DCLK1: variants seen among roughly 807,000 people sequenced by gnomAD.
DCLK1 encodes doublecortin like kinase 1, also known as serine/threonine-protein kinase DCLK1.
Under a neutral mutation model 86.2 loss-of-function variants are expected in DCLK1, and 16 were observed. The observed-to-expected ratio is 0.19, with a 90% confidence interval of 0.13 to 0.28. The LOEUF (loss-of-function observed/expected upper bound fraction) is 0.28. DCLK1 is among the 10% of genes least tolerant of loss of function. The pLI, the probability that DCLK1 is intolerant of heterozygous loss-of-function variation, is 1.00. For synonymous variants in DCLK1, 369 were observed against 370.5 expected (o/e 1.00, Z 0.05); for missense variants, 590 against 940.2 (o/e 0.63, Z 4.87).
At chr13:35,777,887 A>T (rs2086451793) in intron 16 of DCLK1, among the ~76,000 whole-genome samples, 1 of 152,192 alleles carries the variant, frequency 6.6e-6, no homozygotes, top group South Asian at 2.1e-4. Context: ...TGTTTCCATG[A>T]CAGTCTAGTA....
At chr13:36,109,704 T>A (rs1459485942) in intron 3 of DCLK1, among the ~76,000 whole-genome samples, 1 of 152,218 alleles carries the variant, frequency 6.6e-6, no homozygotes. Context: ...ATAATGAAGC[T>A]CAGTTAAGTG....
At chr13:35,873,544 C>T (rs1377827213) in intron 4 of DCLK1, among the ~76,000 whole-genome samples, 1 of 151,874 alleles carries the variant, frequency 6.6e-6, no homozygotes, top group African/African-American at 2.4e-5. Flanking sequence ...CACCACCATG[C>T]CTGGCTAATT....
chr13:36,081,016 T>A (rs972852129), intron 3 of DCLK1, among the ~76,000 whole-genome samples: 2 of 152,046 alleles, frequency 1.3e-5, no homozygotes, highest in South Asian at 4.1e-4. Flanking sequence ...TGTCCTAAAA[T>A]GTCAATAGTG....
chr13:36,131,723 T>C (rs1442640148), upstream of DCLK1, among the ~76,000 whole-genome samples: 2 of 152,162 alleles, frequency 1.3e-5, no homozygotes, highest in African/African-American at 4.8e-5. Context: ...GGCCGAGAGA[T>C]GAGGCCCCCA....
intron 11 of DCLK1, among the ~76,000 whole-genome samples, chr13:35,821,298 C>G (rs1302711903): frequency 6.6e-6 from 1 of 152,172 alleles, no homozygotes; most frequent in Non-Finnish European, 1.5e-5. Context: ...GCGGATCTTA[C>G]TAGCTTTTAT....
At chr13:35,946,708 G>T (rs1877402465) in intron 4 of DCLK1, among the ~76,000 whole-genome samples, 1 of 152,194 alleles carries the variant, frequency 6.6e-6, no homozygotes. Flanking sequence ...TCTTACCTGT[G>T]ATAGTGCTAA....
chr13:36,061,011 G>C (rs902437748), intron 3 of DCLK1, among the ~76,000 whole-genome samples: 1 of 152,160 alleles, frequency 6.6e-6, no homozygotes, highest in South Asian at 2.1e-4. Flanking sequence ...GAAGCATATG[G>C]AACTGATCAG....
chr13:35,868,199 T>G (rs1566577287), intron 5 of DCLK1, among the ~76,000 whole-genome samples: 1 of 152,148 alleles, frequency 6.6e-6, no homozygotes, highest in South Asian at 2.1e-4. Context: ...ATTTTTTGTA[T>G]TTTTAGTAGA....
intron 3 of DCLK1, among the ~76,000 whole-genome samples, chr13:36,057,066 A>C (rs1028012072): frequency 3.3e-5 from 5 of 151,606 alleles, no homozygotes; most frequent in Admixed American, 6.6e-5. Flanking sequence ...GTTTATATAC[A>C]CACACACACA....
intron 10 of DCLK1, among the ~76,000 whole-genome samples, chr13:35,825,187 G>A (rs2087490443): frequency 6.6e-6 from 1 of 152,102 alleles, no homozygotes; most frequent in South Asian, 2.1e-4. Context: ...GACATCCCTG[G>A]GCCCTGAGGG....
At position 35,977,592 on chromosome 13, in the gene DCLK1, A is replaced by AT. The variant is rs5802796; in HGVS notation, c.724-30136dup. On this transcript the variant is annotated intron_variant, in intron 3 of 16. Coordinates refer to ENST00000360631, the MANE Select transcript of DCLK1 (RefSeq NM_001330071.2). ...TGTATTCTGATGGGTCTAATGGGCT[A>AT]TTTTTTTTTTAATTCCACACAATAC... Among the ~76,000 whole-genome samples, 692 of 150,114 alleles carry AT rather than the reference A, an allele frequency of 4.6e-3. 3 individuals are homozygous for AT. The highest frequency in any genetic ancestry group is 0.016 in the African/African-American group (651 of 40,992).
intron 3 of DCLK1, among the ~76,000 whole-genome samples, chr13:35,986,022 G>T (rs1294621813): frequency 6.6e-6 from 1 of 152,036 alleles, no homozygotes; most frequent in African/African-American, 2.4e-5. Context: ...GGCCGATGAA[G>T]GTCGGGCACG....
chr13:35,781,734 T>G (rs1022782622), intron 16 of DCLK1, among the ~76,000 whole-genome samples: 1 of 152,222 alleles, frequency 6.6e-6, no homozygotes, highest in Non-Finnish European at 1.5e-5. Context: ...CCATCCATTA[T>G]TCATGCTACC....
intron 3 of DCLK1, among the ~76,000 whole-genome samples, chr13:36,034,907 G>A (rs1477134331): frequency 1.3e-5 from 2 of 152,154 alleles, no homozygotes; most frequent in Non-Finnish European, 2.9e-5. Context: ...GGGAGCTCAG[G>A]GAATGAGCCA....
In DCLK1 at chr13:36,099,260, G is replaced by A. The variant is rs143625507; in HGVS notation, c.723+12609C>T. On this transcript the variant is annotated intron_variant, in intron 3 of 16. Coordinates refer to ENST00000360631, the MANE Select transcript of DCLK1 (RefSeq NM_001330071.2). ...TGGGATTACAGGCATGAGCCACCGC[G>A]CCCAGCATTATTTGGATTCTTAATG... 8.1e-4 allele frequency among the ~76,000 whole-genome samples: 123 copies of A among 152,222 alleles called. No homozygotes were observed. The East Asian group carries it at 9.1e-3, about 11-fold the overall frequency.
chr13:36,070,482 T>C (rs1194952809), intron 3 of DCLK1, among the ~76,000 whole-genome samples: 1 of 152,198 alleles, frequency 6.6e-6, no homozygotes, highest in Non-Finnish European at 1.5e-5. Context: ...TTAGGTTAGA[T>C]ATTTATCAAA....
chr13:36,043,739 T>C (rs2153155695), intron 3 of DCLK1, among the ~76,000 whole-genome samples: 1 of 152,188 alleles, frequency 6.6e-6, no homozygotes, highest in East Asian at 1.9e-4. Context: ...AACAAGACCT[T>C]TGAAATTCTG....
At chr13:36,033,519 C>T (rs1882366572) in intron 3 of DCLK1, among the ~76,000 whole-genome samples, 1 of 152,040 alleles carries the variant, frequency 6.6e-6, no homozygotes. Context: ...GGTGTGACTC[C>T]CCACTCAATA....
At chr13:36,027,869 C>A (rs1190273543) in intron 3 of DCLK1, among the ~76,000 whole-genome samples, 1 of 152,070 alleles carries the variant, frequency 6.6e-6, no homozygotes, top group East Asian at 1.9e-4. Context: ...AGTAGTGGGA[C>A]TATAGGTGCA....
Sources: allele counts gnomAD v4.1 joint callset (sites outside exome capture counted in the v4.1 genomes callset), GRCh38; gene constraint gnomAD v4.1.1; transcripts MANE v1.5; gene names NCBI Gene and HGNC (gene_info 2026-07-23, HGNC 2026-07-21).